The following TBC1D19 variants were observed in gnomAD, a reference collection of about 807,000 sequenced individuals.
The protein encoded by TBC1D19 is TBC1 domain family member 19, also known as TBC1 domain family, member 19.
TBC1D19 carries 60 observed loss-of-function variants against 89.0 expected under a neutral mutation model. The observed-to-expected ratio is 0.67, with a 90% confidence interval of 0.55 to 0.84. The LOEUF (loss-of-function observed/expected upper bound fraction) is 0.84. Among genes scored for constraint, TBC1D19 ranks in the 40% least tolerant of loss-of-function variants. TBC1D19 has a pLI of 0.00. For missense variants in TBC1D19, 500 were observed against 610.8 expected (o/e 0.82, Z 1.91); for synonymous variants, 189 against 199.7 (o/e 0.95, Z 0.45).
At chr4:26,642,862 T>C (rs937658355) in intron 7 of TBC1D19, among the ~76,000 whole-genome samples, 4 of 152,138 alleles carry the variant, frequency 2.6e-5, no homozygotes, top group Non-Finnish European at 5.9e-5. Context: ...AAGGGATCAA[T>C]TCAACAAGAA....
chr4:26,674,464 A>AT (rs1461155963), intron 11 of TBC1D19, among the ~76,000 whole-genome samples: 2 of 152,076 alleles, frequency 1.3e-5, no homozygotes, highest in Non-Finnish European at 2.9e-5. Flanking sequence ...CTTAGTGGGG[A>AT]TTTTTTTGTT....
At chr4:26,708,827 T>C (rs1417683977) in intron 13 of TBC1D19, among the ~76,000 whole-genome samples, 1 of 152,026 alleles carries the variant, frequency 6.6e-6, no homozygotes, top group Non-Finnish European at 1.5e-5. Context: ...TCTTTTTTGG[T>C]TTGCTATCTC....
At chr4:26,618,932 C>T (rs141449057) in intron 3 of TBC1D19, among the ~76,000 whole-genome samples, 1 of 152,100 alleles carries the variant, frequency 6.6e-6, no homozygotes, top group African/African-American at 2.4e-5. Flanking sequence ...GTGCATTTTT[C>T]CTATCTGGCA....
chr4:26,786,488 G>A, the TBC1D19 span, among the ~76,000 whole-genome samples: 1 of 152,060 alleles, frequency 6.6e-6, no homozygotes, highest in Admixed American at 6.6e-5. Flanking sequence ...CAAAAAATTA[G>A]CCAGGCATGG....
At chr4:26,772,262 G>A in the TBC1D19 span, among the ~76,000 whole-genome samples, 5 of 151,768 alleles carry the variant, frequency 3.3e-5, no homozygotes, top group Admixed American at 2.6e-4. Context: ...GCTTTACCTC[G>A]CAGGTCTCAA....
intron 3 of TBC1D19, among the ~76,000 whole-genome samples, chr4:26,616,478 CTT>C (rs1210002827): frequency 1.1e-4 from 17 of 152,104 alleles, no homozygotes; most frequent in African/African-American, 3.1e-4. Context: ...ATAAAGAAGA[CTT>C]AGCGTATTCT....
chr4:26,644,001 A>C lies in TBC1D19; in HGVS notation c.480+3814A>C, dbSNP rs533091214. ...GCCGAATTCTACCAGAGGTACAAAG[A>C]GGAGCTGGTACCATTCCTTCTGAAA... On this transcript the variant is annotated intron_variant, in intron 7 of 20. Coordinates refer to ENST00000264866, the MANE Select transcript of TBC1D19 (RefSeq NM_018317.4). 2.6e-5 allele frequency among the ~76,000 whole-genome samples: 4 copies of C among 152,342 alleles called. No individual in the cohort carries two copies. The South Asian group carries it at 8.3e-4, about 32-fold the overall frequency.
At chr4:26,601,468 A>G (rs1486828870) in intron 1 of TBC1D19, among the ~76,000 whole-genome samples, 1 of 152,214 alleles carries the variant, frequency 6.6e-6, no homozygotes, top group Non-Finnish European at 1.5e-5. Context: ...TGAATAAGGT[A>G]TAAATATACT....
intron 1 of TBC1D19, among the ~76,000 whole-genome samples, chr4:26,586,232 A>G (rs909791688): frequency 6.7e-6 from 1 of 149,432 alleles, no homozygotes; most frequent in Non-Finnish European, 1.5e-5. Context: ...TTGCTGAAAA[A>G]CCTATCCTTT....
At chr4:26,786,767 GGA>G in the TBC1D19 span, among the ~76,000 whole-genome samples, 1 of 146,502 alleles carries the variant, frequency 6.8e-6, no homozygotes, top group Non-Finnish European at 1.5e-5. Flanking sequence ...ATGGATGGAT[GGA>G]TGGATGGATG....
chr4:26,735,627 G>A (rs1463550681), intron 16 of TBC1D19, 140 bp downstream of exon 16: 1 of 672,226 alleles, frequency 1.5e-6, no homozygotes, highest in African/African-American at 1.9e-5. Flanking sequence ...ATGCATGCTA[G>A]TTCCCCATAG....
intron 7 of TBC1D19, among the ~76,000 whole-genome samples, chr4:26,645,863 C>T (rs1454657454): frequency 6.6e-6 from 1 of 152,028 alleles, no homozygotes; most frequent in African/African-American, 2.4e-5. Flanking sequence ...GTGGCTCACG[C>T]CTGTAATCCC....
chr4:26,593,210 A>G (rs958782045), intron 1 of TBC1D19, among the ~76,000 whole-genome samples: 11 of 152,222 alleles, frequency 7.2e-5, no homozygotes, highest in African/African-American at 2.4e-4. Flanking sequence ...CTGATCTTTG[A>G]CAAACCTGAG....
Position 26,702,877 on chromosome 4 carries a change from CG to C in TBC1D19, c.954+14473del, listed in dbSNP as rs544469669. Among the ~76,000 whole-genome samples, 6 of 152,254 alleles carry C rather than the reference CG, an allele frequency of 3.9e-5. No individual in the cohort carries two copies. In the South Asian group the frequency reaches 1.0e-3, roughly 26 times the overall value. On this transcript the variant is annotated intron_variant, in intron 13 of 20. Transcript: ENST00000264866. ...AGCAGCTCCATATTCCCCCTGCCCC[CG>C]GGCCCAGCAGTCACCATTCAACTGC...
intron 15 of TBC1D19, among the ~76,000 whole-genome samples, chr4:26,733,406 C>T (rs1717780240): frequency 6.6e-6 from 1 of 152,118 alleles, no homozygotes; most frequent in African/African-American, 2.4e-5. Flanking sequence ...AGCGTTATCT[C>T]TGATTTACAG....
At chr4:26,724,733 G>C (rs1221344538) in intron 15 of TBC1D19, among the ~76,000 whole-genome samples, 1 of 152,138 alleles carries the variant, frequency 6.6e-6, no homozygotes, top group African/African-American at 2.4e-5. Flanking sequence ...CTTCCTGCTT[G>C]CACAGAGCCT....
chr4:26,595,975 G>C, intron 1 of TBC1D19, among the ~76,000 whole-genome samples: 1 of 151,780 alleles, frequency 6.6e-6, no homozygotes, highest in Non-Finnish European at 1.5e-5. Context: ...AATTTTTTTT[G>C]AGAGAGAGTG....
chr4:26,759,476 G>A (rs142323042), downstream of TBC1D19, among the ~76,000 whole-genome samples: 21 of 152,158 alleles, frequency 1.4e-4, no homozygotes, highest in African/African-American at 5.1e-4. Flanking sequence ...AAAGTTATAT[G>A]TATATTTTAT....
chr4:26,810,727 T>A, the TBC1D19 span, among the ~76,000 whole-genome samples: 2 of 152,100 alleles, frequency 1.3e-5, no homozygotes, highest in Non-Finnish European at 2.9e-5. Context: ...CAAGTCTGGG[T>A]CGCACGTCCC....
Sources: gnomAD v4.1 joint callset for allele counts (sites outside exome capture counted in the v4.1 genomes callset) on GRCh38, gnomAD v4.1.1 for gene constraint, MANE v1.5 for transcripts, NCBI Gene and HGNC (gene_info 2026-07-23, HGNC 2026-07-21) for gene names.